EEFSEC: variants seen among roughly 807,000 people sequenced by gnomAD.
The protein encoded by EEFSEC is eukaryotic elongation factor, selenocysteine-tRNA specific, also known as selenocysteine-specific elongation factor.
Under a neutral mutation model 42.1 loss-of-function variants are expected in EEFSEC, and 43 were observed. The observed-to-expected ratio is 1.02, with a 90% CI of 0.80 to 1.32. The LOEUF (loss-of-function observed/expected upper bound fraction) is 1.32, where lower values mean the gene tolerates loss of function less well. EEFSEC is among the 40% of genes most tolerant of loss of function. The pLI is 0.00. For missense variants in EEFSEC, 745 were observed against 803.6 expected (o/e 0.93, Z 0.88); for synonymous variants, 354 against 339.1 (o/e 1.04, Z -0.48).
intron 1 of EEFSEC, among the ~76,000 whole-genome samples, chr3:128,212,247 G>A (rs1230237329): frequency 6.6e-6 from 1 of 152,182 alleles, no homozygotes; most frequent in Non-Finnish European, 1.5e-5. Context: ...GAGGCTGTGG[G>A]AGCCCCTGGG....
At position 128,381,357 on chromosome 3, in the gene EEFSEC, T is replaced by C. The variant is rs114990034; in HGVS notation, c.1600+22984T>C. Reference sequence around the variant, plus strand: ...CCCTCTCCCTGAGTGGTCATCTTTATTGTTGTTAGAAAGGGATGATTGCCG... The same window carrying C: ...CCCTCTCCCTGAGTGGTCATCTTTACTGTTGTTAGAAAGGGATGATTGCCG... On this transcript the variant is annotated intron_variant, in intron 6 of 6. Transcript: ENST00000254730. 3.0e-3 allele frequency among the ~76,000 whole-genome samples: 464 copies of C among 152,316 alleles called. 1 individual carries two copies. The highest frequency in any genetic ancestry group is 0.01 in the African/African-American group (430 of 41,558).
chr3:128,258,301 G>T (rs1457241977), intron 2 of EEFSEC, among the ~76,000 whole-genome samples: 2 of 152,180 alleles, frequency 1.3e-5, no homozygotes, highest in Non-Finnish European at 2.9e-5. Flanking sequence ...GGGAGTGGAT[G>T]CTGGAGGTCA....
At chr3:128,388,471 G>A (rs1249477736) in intron 6 of EEFSEC, among the ~76,000 whole-genome samples, 3 of 152,230 alleles carry the variant, frequency 2.0e-5, no homozygotes, top group East Asian at 1.9e-4. Context: ...CAGGGTCCAC[G>A]CTCTGTAACT....
the EEFSEC span, among the ~76,000 whole-genome samples, chr3:128,414,295 A>C: frequency 6.6e-6 from 1 of 152,046 alleles, no homozygotes; most frequent in Non-Finnish European, 1.5e-5. Context: ...CCTCCCTCCC[A>C]AGCTTCCACC....
At chr3:128,403,429 AGCAGAGCGGGTG>A (rs1163189161) in intron 6 of EEFSEC, among the ~76,000 whole-genome samples, 1 of 152,180 alleles carries the variant, frequency 6.6e-6, no homozygotes, top group Non-Finnish European at 1.5e-5. Flanking sequence ...CGTAGGTCCT[AGCAGAGCGGGTG>A]GCAGAGCAGG....
At chr3:128,327,247 A>T (rs1057388960) in intron 4 of EEFSEC, among the ~76,000 whole-genome samples, 1 of 150,206 alleles carries the variant, frequency 6.7e-6, no homozygotes, top group Non-Finnish European at 1.5e-5. Context: ...GGTATCAAGA[A>T]CTCTGCCTCA....
chr3:128,155,115 T>G (rs894723017), intron 1 of EEFSEC, among the ~76,000 whole-genome samples: 6 of 152,148 alleles, frequency 3.9e-5, no homozygotes, highest in Non-Finnish European at 2.9e-5. Flanking sequence ...TTTGTTTTTT[T>G]GTTTTTTTGT....
At chr3:128,234,874 G>T (rs1363392571) in intron 1 of EEFSEC, among the ~76,000 whole-genome samples, 1 of 152,194 alleles carries the variant, frequency 6.6e-6, no homozygotes, top group Admixed American at 6.5e-5. Context: ...GAGATCTCAG[G>T]TTGGTGCTGG....
intron 5 of EEFSEC, among the ~76,000 whole-genome samples, chr3:128,355,328 G>A (rs577144532): frequency 1.3e-5 from 2 of 152,208 alleles, no homozygotes; most frequent in Admixed American, 6.5e-5. Flanking sequence ...CTGCAATGTC[G>A]GGGAAGCTGT....
chr3:128,247,134 G>GC, intron 2 of EEFSEC, 91 bp downstream of exon 2: 2 of 1,350,252 alleles, frequency 1.5e-6, no homozygotes, highest in Non-Finnish European at 2.1e-6. Context: ...GGACAGGCAG[G>GC]TGTCAGCCTC....
the EEFSEC span, among the ~76,000 whole-genome samples, chr3:128,417,687 G>C: frequency 6.6e-6 from 1 of 152,092 alleles, no homozygotes; most frequent in Non-Finnish European, 1.5e-5. The surrounding 1 kb of genome is among the most constrained non-coding windows in gnomAD (Gnocchi z 4.3). Flanking sequence ...AGGAGCACTC[G>C]GGCCAGTGGG....
At chr3:128,399,586 G>A (rs2068024680) in intron 6 of EEFSEC, among the ~76,000 whole-genome samples, 1 of 151,906 alleles carries the variant, frequency 6.6e-6, no homozygotes, top group Non-Finnish European at 1.5e-5. Context: ...AAACCAAGGA[G>A]CCGGCCCCCC....
Position 128,305,426 on chromosome 3 carries a change from A to G in EEFSEC, c.787-35807A>G, listed in dbSNP as rs368204688. On this transcript the variant is annotated intron_variant, in intron 4 of 6. Coordinates refer to ENST00000254730, the MANE Select transcript of EEFSEC (RefSeq NM_021937.5). ...AGGTTTTCTCCTTTATTCTTTTTAA[A>G]CAGTTAAAATAGTTATCTATTCCTT... 1.9e-4 allele frequency among the ~76,000 whole-genome samples: 29 copies of G among 152,328 alleles called. No homozygotes were observed. The South Asian group carries it at 4.8e-3, about 25-fold the overall frequency.
intron 1 of EEFSEC, among the ~76,000 whole-genome samples, chr3:128,180,633 G>T (rs2065395827): frequency 6.6e-6 from 1 of 152,238 alleles, no homozygotes; most frequent in African/African-American, 2.4e-5. Context: ...CAGTGCCATT[G>T]AGTTGCAGCT....
chr3:128,181,126 G>A (rs1576523566), intron 1 of EEFSEC, among the ~76,000 whole-genome samples: 1 of 152,164 alleles, frequency 6.6e-6, no homozygotes, highest in Non-Finnish European at 1.5e-5. Flanking sequence ...GGCAGGTGAC[G>A]CAGGGAGTCA....
intron 6 of EEFSEC, among the ~76,000 whole-genome samples, chr3:128,376,200 G>A (rs1576683023): frequency 6.6e-6 from 1 of 152,306 alleles, no homozygotes; most frequent in South Asian, 2.1e-4. Context: ...GGCCAGCCTG[G>A]GTCATGTGCT....
rs1292022837 is a variant in EEFSEC, at chr3:128,339,588, T to A, written c.787-1645T>A. Among the ~76,000 whole-genome samples, 6 of 152,314 alleles carry A rather than the reference T, an allele frequency of 3.9e-5. No homozygotes were observed. The East Asian group carries it at 1.2e-3, about 29-fold the overall frequency. ...GATTTACAAACTGTGAATGCAGAAA[T>A]CTGCCCAGTATAGTAGTCAGTGATA... On this transcript the variant is annotated intron_variant, in intron 4 of 6. Coordinates refer to ENST00000254730, the MANE Select transcript of EEFSEC (RefSeq NM_021937.5).
At chr3:128,372,376 G>A (rs2067663935) in intron 6 of EEFSEC, among the ~76,000 whole-genome samples, 1 of 152,154 alleles carries the variant, frequency 6.6e-6, no homozygotes, top group Non-Finnish European at 1.5e-5. Flanking sequence ...CATGGCAGCT[G>A]GTCAAGGGGC....
At chr3:128,324,679 G>A (rs912691848) in intron 4 of EEFSEC, among the ~76,000 whole-genome samples, 5 of 152,186 alleles carry the variant, frequency 3.3e-5, no homozygotes, top group Non-Finnish European at 7.3e-5. Flanking sequence ...TGCTCTGCCC[G>A]CCTGTGGGGC....
Sources: gnomAD v4.1 joint callset for allele counts (sites outside exome capture counted in the v4.1 genomes callset) on GRCh38, gnomAD v4.1.1 for gene constraint, Gnocchi (gnomAD v3.1) non-coding constraint, MANE v1.5 for transcripts, NCBI Gene and HGNC (gene_info 2026-07-23, HGNC 2026-07-21) for gene names.